PTPRN2: variants seen among roughly 807,000 people sequenced by gnomAD.
The protein encoded by PTPRN2 is protein tyrosine phosphatase receptor type N2, also known as receptor-type tyrosine-protein phosphatase N2.
In PTPRN2, 74 loss-of-function variants were observed where a neutral mutation model predicts 118.8. That is an observed-to-expected ratio of 0.62 (90% CI 0.52 to 0.76). The LOEUF (loss-of-function observed/expected upper bound fraction) is 0.76, where lower values mean the gene tolerates loss of function less well. PTPRN2 is among the 30% of genes least tolerant of loss of function. The pLI is 0.00. For missense variants in PTPRN2, 1,481 were observed against 1,394.4 expected, an observed-to-expected ratio of 1.06 and a Z score of -0.99; for synonymous variants, 641 against 608.0, an observed-to-expected ratio of 1.05 and a Z score of -0.80.
chr7:157,952,285 C>T (rs1034989594), intron 11 of PTPRN2, among the ~76,000 whole-genome samples: 4 of 150,182 alleles, frequency 2.7e-5, no homozygotes, highest in Admixed American at 1.3e-4. Context: ...GAAGAGTGCC[C>T]GGTGCAGGGA....
chr7:157,547,215 TC>T (rs1798365816), intron 22 of PTPRN2, among the ~76,000 whole-genome samples: 2 of 152,224 alleles, frequency 1.3e-5, no homozygotes, highest in East Asian at 3.9e-4. Context: ...CGCTGACCAT[TC>T]CTGGTAATGT....
At chr7:157,767,121 C>T (rs1290045090) in intron 12 of PTPRN2, among the ~76,000 whole-genome samples, 2 of 152,318 alleles carry the variant, frequency 1.3e-5, no homozygotes, top group South Asian at 2.1e-4. Flanking sequence ...AATCCTGGCA[C>T]TTGCAGTGTA....
intron 11 of PTPRN2, among the ~76,000 whole-genome samples, chr7:158,071,538 ATGGAGGTGCTCCTGGTGG>A (rs1563391826): frequency 4.0e-5 from 2 of 50,558 alleles, no homozygotes; most frequent in Non-Finnish European, 7.3e-5. Flanking sequence ...GCTCGTGATG[ATGGAGGTGCTCCTGGTGG>A]TGGAGGTGCT....
chr7:157,917,295 G>A (rs1217667723), intron 11 of PTPRN2, among the ~76,000 whole-genome samples: 1 of 152,262 alleles, frequency 6.6e-6, no homozygotes, highest in African/African-American at 2.4e-5. Context: ...AGCCTGCAAC[G>A]CAGAAGTGCA....
chr7:158,191,762 G>T (rs570165063), intron 5 of PTPRN2, among the ~76,000 whole-genome samples: 1 of 152,168 alleles, frequency 6.6e-6, no homozygotes, highest in South Asian at 2.1e-4. Context: ...GCCTGTCTGG[G>T]GTCTGTGTGC....
At chr7:158,189,162 T>C (rs1825553847) in intron 5 of PTPRN2, among the ~76,000 whole-genome samples, 3 of 152,222 alleles carry the variant, frequency 2.0e-5, no homozygotes, top group African/African-American at 7.2e-5. Flanking sequence ...TGCTACGGTT[T>C]GTTTCTAATG....
In PTPRN2 at chr7:157,927,167, G is replaced by A. The variant is rs569412957; in HGVS notation, c.1724-28430C>T. ...CGAAGACAGGAAGCCCCAGGGACCC[G>A]TCTGAGAGCAGAGGCCTCGCGTCTT... On this transcript the variant is annotated intron_variant, in intron 11 of 22. Coordinates refer to ENST00000389418, the MANE Select transcript of PTPRN2 (RefSeq NM_002847.5). Among the ~76,000 whole-genome samples, 252 of 126,608 alleles carry A rather than the reference G, an allele frequency of 2.0e-3. 4 individuals carry two copies. Among genetic ancestry groups the A allele is most frequent in the African/African-American group, 7.6e-3 (235 of 30,976 alleles). The allele number at this position is 126,608 out of a possible 152,430, so 83.1% of individuals were successfully genotyped here. A position where few individuals can be genotyped will look rare whatever the true frequency, so the allele number is the denominator to read the frequency against.
At chr7:157,789,746 G>GGTGTGTGTGGGGTATATGTGTGGT (rs1804318569) in intron 12 of PTPRN2, among the ~76,000 whole-genome samples, 1 of 150,348 alleles carries the variant, frequency 6.7e-6, no homozygotes, top group Admixed American at 6.6e-5. Flanking sequence ...GTACATGTGT[G>GGTGTGTGTGGGGTATATGTGTGGT]GTGTGTGTGG....
chr7:157,825,237 C>T (rs539910268), intron 12 of PTPRN2, among the ~76,000 whole-genome samples: 28 of 152,260 alleles, frequency 1.8e-4, no homozygotes, highest in South Asian at 6.2e-4. Flanking sequence ...TGGTGGGACG[C>T]GCGCCCTGCT....
Position 157,977,261 on chromosome 7 carries a change from GCATGGAACTCA to G in PTPRN2, c.1724-78535_1724-78525del, listed in dbSNP as rs1296405889. The stretch of plus-strand genomic sequence containing the variant: ...AGGGTGGCTGTGCCCCATGAAGCTT[GCATGGAACTCA>G]CCATCTGTGGTGGCACTGATCCAAA... On this transcript the variant is annotated intron_variant, in intron 11 of 22. Coordinates refer to ENST00000389418, the MANE Select transcript of PTPRN2 (RefSeq NM_002847.5). The surrounding 1 kb of genome is among the most constrained non-coding windows in gnomAD (Gnocchi z 4.6). 6.6e-6 allele frequency among the ~76,000 whole-genome samples: 1 copy of G among 151,972 alleles called. No individual in the cohort carries two copies. Among genetic ancestry groups the G allele is most frequent in the Non-Finnish European group, 1.5e-5 (1 of 67,960 alleles).
rs17837793 is a variant in PTPRN2, at chr7:157,671,730, G to A, written c.2001+10995C>T. 0.071 allele frequency among the ~76,000 whole-genome samples: 10,832 copies of A among 152,056 alleles called. 553 individuals are homozygous for A. Among genetic ancestry groups the A allele is most frequent in the East Asian group, 0.26 (1,337 of 5,130 alleles). ...CATTTTCGGAACTGCACGTCGTTCT[G>A]GGGCCCAATTATTCTACCTAAAACT... On this transcript the variant is annotated intron_variant, in intron 13 of 22. Coordinates refer to ENST00000389418, the MANE Select transcript of PTPRN2 (RefSeq NM_002847.5). The surrounding 1 kb of genome is among the most constrained non-coding windows in gnomAD (Gnocchi z 4.1).
intron 13 of PTPRN2, among the ~76,000 whole-genome samples, chr7:157,663,183 G>T (rs1165402019): frequency 6.6e-6 from 1 of 152,122 alleles, no homozygotes; most frequent in Admixed American, 6.6e-5. Context: ...GCGACTCCCT[G>T]CAGGTACGGC....
At chr7:158,472,009 C>CCCACCACGG (rs1220294608) in intron 2 of PTPRN2, among the ~76,000 whole-genome samples, 19 of 152,122 alleles carry the variant, frequency 1.2e-4, no homozygotes, top group African/African-American at 3.1e-4. Flanking sequence ...CGGTTCCGGC[C>CCCACCACGG]TCGCCACGGT....
intron 10 of PTPRN2, among the ~76,000 whole-genome samples, chr7:158,107,974 C>A (rs1037543520): frequency 6.6e-6 from 1 of 151,694 alleles, no homozygotes; most frequent in African/African-American, 2.4e-5. Context: ...CTGCCCCCTC[C>A]CTCACCTGGA....
chr7:158,050,989 C>T (rs1221664172), intron 11 of PTPRN2, among the ~76,000 whole-genome samples: 1 of 152,238 alleles, frequency 6.6e-6, no homozygotes, highest in African/African-American at 2.4e-5. Flanking sequence ...CAGGGGCACG[C>T]CATGGCGGTG....
At chr7:157,846,049 T>A (rs1265702767) in intron 12 of PTPRN2, among the ~76,000 whole-genome samples, 1 of 152,088 alleles carries the variant, frequency 6.6e-6, no homozygotes, top group East Asian at 1.9e-4. Flanking sequence ...GCAGCTTCTG[T>A]GCTTCAAGAA....
Position 158,142,617 on chromosome 7 carries a change from C to T in PTPRN2, c.911-4102G>A, listed in dbSNP as rs569534794. ...TTGGAGGGGAGGGCCAGCCTCCCTT[C>T]GCCACACCCCCAGGGCCCACCAACC... On this transcript the variant is annotated intron_variant, in intron 6 of 22. Coordinates refer to ENST00000389418, the MANE Select transcript of PTPRN2 (RefSeq NM_002847.5). Among the ~76,000 whole-genome samples the T allele has an allele frequency of 1.0e-3, 154 of 152,274 alleles. 1 individual carries two copies. The highest frequency in any genetic ancestry group is 7.3e-3 in the South Asian group (35 of 4,820).
chr7:158,493,187 G>C (rs1483651500), intron 1 of PTPRN2, among the ~76,000 whole-genome samples: 1 of 152,210 alleles, frequency 6.6e-6, no homozygotes, highest in African/African-American at 2.4e-5. Flanking sequence ...TATCCCTCCT[G>C]CTTCAGCACA....
chr7:158,202,594 G>T (rs1306089836), intron 4 of PTPRN2, among the ~76,000 whole-genome samples: 1 of 152,200 alleles, frequency 6.6e-6, no homozygotes, highest in South Asian at 2.1e-4. Flanking sequence ...CCATAGCAGG[G>T]CAGGGGAAGG....
Sources: gnomAD v4.1 joint callset for allele counts (sites outside exome capture counted in the v4.1 genomes callset) on GRCh38, gnomAD v4.1.1 for gene constraint, Gnocchi (gnomAD v3.1) non-coding constraint, MANE v1.5 for transcripts, NCBI Gene and HGNC (gene_info 2026-07-23, HGNC 2026-07-21) for gene names.